DSN1: variants seen among roughly 807,000 people sequenced by gnomAD.
The protein encoded by DSN1 is kinetochore-associated protein DSN1 homolog.
A neutral mutation model predicts 45.7 loss-of-function variants in DSN1; 31 were observed. That is an observed-to-expected ratio of 0.68 (90% CI 0.51 to 0.92). The LOEUF (loss-of-function observed/expected upper bound fraction) is 0.92, where lower values mean the gene tolerates loss of function less well. Ranked by LOEUF, DSN1 falls within the 40% of genes least tolerant of loss-of-function variation. DSN1 has a pLI of 0.00. For missense variants in DSN1, 394 were observed against 414.2 expected (o/e 0.95, Z 0.42); for synonymous variants, 134 against 142.3 (o/e 0.94, Z 0.41).
intron 3 of DSN1, among the ~76,000 whole-genome samples, chr20:36,770,091 G>C (rs951792661): frequency 6.6e-6 from 1 of 151,816 alleles, no homozygotes; most frequent in Non-Finnish European, 1.5e-5. Context: ...TAGAGACAGG[G>C]GTCTTACTTT....
At position 36,755,663 on chromosome 20, in the gene DSN1, T is replaced by G; in HGVS notation, c.873+19A>C. On this transcript the variant is annotated intron_variant, in intron 9 of 10. Coordinates refer to ENST00000373750, the MANE Select transcript of DSN1 (RefSeq NM_001145315.2). The stretch of plus-strand genomic sequence containing the variant: ...GGCAAAGCTGGATAACTCAACTAAA[T>G]AAACATGAGCCCACTTACCACCAAC... 3 of 1,606,054 alleles carry G rather than the reference T, an allele frequency of 1.9e-6. No individual in the cohort carries two copies. Among genetic ancestry groups the G allele is most frequent in the Non-Finnish European group, 2.5e-6 (3 of 1,176,810 alleles).
intron 1 of DSN1, among the ~76,000 whole-genome samples, chr20:36,772,268 G>A (rs941241943): frequency 2.0e-5 from 3 of 148,092 alleles, no homozygotes; most frequent in African/African-American, 7.5e-5. Flanking sequence ...TACCTCCAAC[G>A]GCCCGTCTCC....
chr20:36,755,001 A>C, intron 9 of DSN1, 151 bp from the exon 10 acceptor site: 1 of 652,516 alleles, frequency 1.5e-6, no homozygotes. Context: ...TGTTCCTCCA[A>C]AGTCACACCA....
intron 5 of DSN1, 30 bp from the exon 6 acceptor site, chr20:36,762,578 A>G (rs1196273063): frequency 6.3e-7 from 1 of 1,592,346 alleles, no homozygotes; most frequent in South Asian, 1.1e-5. Flanking sequence ...GTGTCATAAA[A>G]TAAAGGAAAT....
At chr20:36,766,672 G>A in intron 5 of DSN1, 97 bp downstream of exon 5, 6 of 1,049,178 alleles carry the variant, frequency 5.7e-6, no homozygotes, top group Non-Finnish European at 8.7e-6. Context: ...AGGTGGGGGA[G>A]CTAGTTTTAT....
intron 6 of DSN1, among the ~76,000 whole-genome samples, chr20:36,761,950 A>G (rs1987004986): frequency 6.6e-6 from 1 of 151,966 alleles, no homozygotes; most frequent in African/African-American, 2.4e-5. Context: ...TGGAGGTTGC[A>G]GTAAGCCAAG....
Position 36,758,637 on chromosome 20 carries a change from A to T in DSN1, c.591-20T>A, listed in dbSNP as rs757893946. The T allele has an allele frequency of 1.3e-6, 2 of 1,594,242 alleles. No individual in the cohort carries two copies. The highest frequency in any genetic ancestry group is 2.7e-5 in the African/African-American group (2 of 74,028). ...GCTTTTCTGGAAAACAGATAGGATT[A>T]TGACATAAATCTTTCAAGAAATATT... On this transcript the variant is annotated intron_variant, in intron 6 of 10. Coordinates refer to ENST00000373750, the MANE Select transcript of DSN1 (RefSeq NM_001145315.2).
At chr20:36,757,440 A>AGACACC in intron 8 of DSN1, among the ~76,000 whole-genome samples, 1 of 151,988 alleles carries the variant, frequency 6.6e-6, no homozygotes, top group Non-Finnish European at 1.5e-5. Context: ...TTAGCCACGC[A>AGACACC]TCATGGCAGA....
chr20:36,758,215 C>A, intron 7 of DSN1, 54 bp from the exon 8 acceptor site: 1 of 1,490,106 alleles, frequency 6.7e-7, no homozygotes, highest in South Asian at 1.2e-5. Context: ...TATTCTGAAT[C>A]ACTCACAGTA....
At chr20:36,757,182 CCT>C (rs1986717978) in intron 8 of DSN1, among the ~76,000 whole-genome samples, 1 of 152,132 alleles carries the variant, frequency 6.6e-6, no homozygotes, top group Admixed American at 6.6e-5. Context: ...ATGGCAAAAC[CCT>C]GTCTCTACTA....
intron 9 of DSN1, 37 bp from the exon 10 acceptor site, chr20:36,754,887 A>C: frequency 6.3e-7 from 1 of 1,584,018 alleles, no homozygotes; most frequent in South Asian, 1.1e-5. Context: ...GTAAAGGTCC[A>C]TGGCTTCTTG....
intron 6 of DSN1, among the ~76,000 whole-genome samples, chr20:36,760,283 ACT>A (rs1206877242): frequency 6.6e-6 from 1 of 151,866 alleles, no homozygotes; most frequent in Non-Finnish European, 1.5e-5. Flanking sequence ...CAACTCTGTG[ACT>A]CTCTACTGCA....
At chr20:36,753,550 A>G (rs1242354288) in intron 10 of DSN1, among the ~76,000 whole-genome samples, 1 of 150,998 alleles carries the variant, frequency 6.6e-6, no homozygotes, top group East Asian at 1.9e-4. Context: ...AGGTGGGAGA[A>G]TATCTTGAAC....
intron 3 of DSN1, among the ~76,000 whole-genome samples, chr20:36,769,478 CT>C (rs1987519872): frequency 1.3e-5 from 2 of 152,190 alleles, no homozygotes; most frequent in Non-Finnish European, 2.9e-5. Context: ...TTGGGATGCA[CT>C]GATGTTTTCT....
At chr20:36,754,526 A>G (rs1446673636) in intron 10 of DSN1, among the ~76,000 whole-genome samples, 1 of 152,204 alleles carries the variant, frequency 6.6e-6, no homozygotes, top group Non-Finnish European at 1.5e-5. Flanking sequence ...TTACCAAAAC[A>G]ACAACATATT....
intron 6 of DSN1, 29 bp from the exon 7 acceptor site, chr20:36,758,646 ATCTT>A (rs2076019507): frequency 1.9e-6 from 3 of 1,575,818 alleles, no homozygotes; most frequent in Non-Finnish European, 2.6e-6. Context: ...TATGACATAA[ATCTT>A]TCAAGAAATA....
chr20:36,767,378 C>T (rs937579581), intron 4 of DSN1, among the ~76,000 whole-genome samples: 5 of 150,778 alleles, frequency 3.3e-5, no homozygotes, highest in East Asian at 1.9e-4. Context: ...TTTTGACTTT[C>T]GGTTCAGGAA....
intron 10 of DSN1, among the ~76,000 whole-genome samples, 162 bp downstream of exon 10, chr20:36,754,601 A>G (rs1986569535): frequency 6.6e-6 from 1 of 152,188 alleles, no homozygotes; most frequent in Non-Finnish European, 1.5e-5. Context: ...ATTTCCTATC[A>G]ACTCTGAGTA....
intron 10 of DSN1, among the ~76,000 whole-genome samples, chr20:36,754,478 G>A (rs1428112180): frequency 6.6e-6 from 1 of 152,070 alleles, no homozygotes; most frequent in African/African-American, 2.4e-5. Context: ...AAATGAAGAG[G>A]GAAAAAGCAA....
Sources: gnomAD v4.1 joint callset for allele counts (sites outside exome capture counted in the v4.1 genomes callset) on GRCh38, gnomAD v4.1.1 for gene constraint, MANE v1.5 for transcripts, NCBI Gene and HGNC (gene_info 2026-07-23, HGNC 2026-07-21) for gene names.